CNIH3: variants seen among roughly 807,000 people sequenced by gnomAD.
CNIH3 encodes the protein protein cornichon homolog 3.
In CNIH3, 14 loss-of-function variants were observed where a neutral mutation model predicts 24.1. The observed-to-expected ratio is 0.58, with a 90% CI of 0.38 to 0.91. The LOEUF (loss-of-function observed/expected upper bound fraction) is 0.91. Among genes scored for constraint, CNIH3 ranks in the 40% least tolerant of loss-of-function variants. The pLI is 0.00. For missense variants in CNIH3, 178 were observed against 196.8 expected (o/e 0.90, Z 0.57); for synonymous variants, 68 against 73.8 (o/e 0.92, Z 0.40).
chr1:224,447,943 T>G (rs1675232990), intron 1 of CNIH3, among the ~76,000 whole-genome samples: 1 of 152,178 alleles, frequency 6.6e-6, no homozygotes, highest in Non-Finnish European at 1.5e-5. Context: ...GGCTACATAA[T>G]TTGCCCAGGG....
chr1:224,530,429 G>C (rs934577146), intron 2 of CNIH3, among the ~76,000 whole-genome samples: 1 of 151,996 alleles, frequency 6.6e-6, no homozygotes, highest in South Asian at 2.1e-4. Flanking sequence ...CTAGGCTTTA[G>C]AGCTTAGGAA....
intron 1 of CNIH3, among the ~76,000 whole-genome samples, chr1:224,635,916 G>A (rs374738560): frequency 1.1e-4 from 16 of 152,092 alleles, no homozygotes; most frequent in East Asian, 3.9e-4. Context: ...GTCTCACTCC[G>A]TTGCCCACGT....
At chr1:224,729,284 C>T (rs902125293) in intron 3 of CNIH3, among the ~76,000 whole-genome samples, 3 of 151,572 alleles carry the variant, frequency 2.0e-5, no homozygotes, top group East Asian at 1.9e-4. Context: ...TGGTAGCAGG[C>T]GCCTGTAATG....
At position 224,471,164 on chromosome 1, in the gene CNIH3, G is replaced by A. The variant is rs138949865; in HGVS notation, n.203+36302G>A. Among the ~76,000 whole-genome samples, 41 of 151,750 alleles carry A rather than the reference G, an allele frequency of 2.7e-4. 1 individual carries two copies. In the East Asian group the frequency reaches 5.9e-3, roughly 22 times the overall value. ...AGTGATTCTCCTGCCTCAGCCTCCC[G>A]GGTAGCTGGGACTATAGGCATACGC... On this transcript the variant is annotated intron_variant and non_coding_transcript_variant, in intron 1 of 5. Coordinates refer to the CNIH3 transcript ENST00000471578.
At chr1:224,701,867 CA>C (rs1687508936) in intron 3 of CNIH3, among the ~76,000 whole-genome samples, 1 of 152,130 alleles carries the variant, frequency 6.6e-6, no homozygotes, top group African/African-American at 2.4e-5. Context: ...CATGCTATTT[CA>C]TTTTTCGTTA....
At chr1:224,465,854 C>T (rs1488969350) in intron 1 of CNIH3, among the ~76,000 whole-genome samples, 1 of 151,934 alleles carries the variant, frequency 6.6e-6, no homozygotes, top group Non-Finnish European at 1.5e-5. Context: ...ATAGTGAAAC[C>T]CCATCTCCAC....
intron 1 of CNIH3, among the ~76,000 whole-genome samples, chr1:224,673,039 C>A (rs1235105560): frequency 6.6e-6 from 1 of 152,190 alleles, no homozygotes; most frequent in African/African-American, 2.4e-5. Context: ...TTAAATATTG[C>A]CCCTGAACAT....
exon 1 of CNIH3, chr1:224,434,741 G>C: frequency 1.0e-6 from 1 of 986,850 alleles, no homozygotes; most frequent in Non-Finnish European, 1.2e-6. Flanking sequence ...CTCTGTCCTC[G>C]GATCCGCTCC....
At chr1:224,734,838 C>G (rs548637696) in intron 5 of CNIH3, 132 bp downstream of exon 5, 19 of 910,958 alleles carry the variant, frequency 2.1e-5, no homozygotes, top group African/African-American at 2.0e-4. Flanking sequence ...GGTGTAGTCC[C>G]AGCTGTCTGA....
At chr1:224,443,470 C>G (rs1675004003) in intron 1 of CNIH3, among the ~76,000 whole-genome samples, 2 of 152,098 alleles carry the variant, frequency 1.3e-5, no homozygotes, top group South Asian at 4.1e-4. Context: ...CCACAGATAT[C>G]TAACTGAGAT....
At chr1:224,614,731 G>A (rs574584312), upstream of CNIH3, among the ~76,000 whole-genome samples, 6 of 151,934 alleles carry the variant, frequency 3.9e-5, no homozygotes, top group South Asian at 4.2e-4. Context: ...GGTAGATCAC[G>A]AGGTCAAGAG....
In CNIH3 at chr1:224,704,998, G is replaced by A. The variant is rs1687702381; in HGVS notation, c.198+20155G>A. Among the ~76,000 whole-genome samples, 1 of 152,018 alleles carries A rather than the reference G, an allele frequency of 6.6e-6. No individual in the cohort carries two copies. The stretch of plus-strand genomic sequence containing the variant: ...TGGTGGCAGACTACAGTAGGCTGTA[G>A]TCCCAGCTACTCAGGAGGCCAAGAC... On this transcript the variant is annotated intron_variant, in intron 3 of 5. Transcript: ENST00000272133. The surrounding 1 kb of genome is among the most constrained non-coding windows in gnomAD (Gnocchi z 4.2).
chr1:224,710,972 G>T (rs1041117330), intron 3 of CNIH3, among the ~76,000 whole-genome samples: 5 of 152,116 alleles, frequency 3.3e-5, no homozygotes, highest in African/African-American at 1.2e-4. Context: ...GAGGGCCAAG[G>T]ATATATCTTT....
chr1:224,556,933 C>G (rs1266773857), intron 3 of CNIH3, among the ~76,000 whole-genome samples: 1 of 152,238 alleles, frequency 6.6e-6, no homozygotes. Context: ...AGGCATGAAT[C>G]TGAGGAGCTC....
intron 3 of CNIH3, among the ~76,000 whole-genome samples, chr1:224,699,350 A>C (rs1343090597): frequency 6.6e-6 from 1 of 152,356 alleles, no homozygotes; most frequent in Non-Finnish European, 1.5e-5. Flanking sequence ...GAACCTTCAG[A>C]GGACACTGTA....
chr1:224,483,735 T>C (rs1045335558), intron 1 of CNIH3, among the ~76,000 whole-genome samples: 1 of 152,148 alleles, frequency 6.6e-6, no homozygotes, highest in Non-Finnish European at 1.5e-5. Flanking sequence ...TTTGTGTAAA[T>C]AGTTGTTAAA....
intron 3 of CNIH3, among the ~76,000 whole-genome samples, chr1:224,605,220 C>T (rs1682369250): frequency 6.6e-6 from 1 of 152,204 alleles, no homozygotes; most frequent in African/African-American, 2.4e-5. Context: ...GGCTTTCAGG[C>T]TTTAAATTGT....
At chr1:224,707,953 C>T (rs1420302051) in intron 3 of CNIH3, among the ~76,000 whole-genome samples, 5 of 152,138 alleles carry the variant, frequency 3.3e-5, no homozygotes, top group Admixed American at 3.3e-4. Flanking sequence ...CCCTCTCTGT[C>T]CACTAGAATT....
intron 1 of CNIH3, among the ~76,000 whole-genome samples, chr1:224,442,167 C>T (rs1674946828): frequency 6.6e-6 from 1 of 151,952 alleles, no homozygotes; most frequent in Admixed American, 6.6e-5. Context: ...CACAGGCATG[C>T]ACTACCACAC....
Sources: gnomAD v4.1 joint callset for allele counts (sites outside exome capture counted in the v4.1 genomes callset) on GRCh38, gnomAD v4.1.1 for gene constraint, Gnocchi (gnomAD v3.1) non-coding constraint, MANE v1.5 for transcripts, NCBI Gene and HGNC (gene_info 2026-07-23, HGNC 2026-07-21) for gene names.